GPR142: variants seen among roughly 807,000 people sequenced by gnomAD.
GPR142 encodes G-protein coupled receptor 142 long form.
Under a neutral mutation model 10.6 loss-of-function variants are expected in GPR142, and 9 were observed. The ratio of observed to expected loss-of-function variants is 0.85; its 90% CI spans 0.51 to 1.48. The LOEUF is 1.48. Among genes scored for constraint, GPR142 ranks in the 40% most tolerant of loss-of-function variants. GPR142 has a pLI of 0.00. For missense variants in GPR142, 482 were observed against 506.0 expected, an observed-to-expected ratio of 0.95 and a Z score of 0.45; for synonymous variants, 202 against 221.2, an observed-to-expected ratio of 0.91 and a Z score of 0.77.
In GPR142 at chr17:74,371,859, C is replaced by A. The variant is rs115408173; in HGVS notation, c.384C>A (p.Leu128=). ...TGGTCATCGTGTTCGCGGGCTTCCT[C>A]CTGCAGGGAGCAGTGCTGGCCCGCC... The part of the protein sequence containing the change: ...IQVVIVFAGF[L]LQGAVLARQV... Residue 128 remains leucine (L), a synonymous_variant, in exon 4 of 4, where the codon CTC becomes CTA. Transcript: ENST00000582579. 3 of 1,613,542 alleles carry A rather than the reference C, an allele frequency of 1.9e-6. No homozygotes were observed. The Admixed American group carries it at 5.0e-5, about 27-fold the overall frequency.
Position 74,371,717 on chromosome 17 carries a change from G to A in GPR142, c.254-12G>A, listed in dbSNP as rs769003299. The stretch of plus-strand genomic sequence containing the variant: ...TGATGCCTCTCCCCTCCCTCACCTC[G>A]GCTGCCCTCAGTCAGCCTCCTGACC... On this transcript the variant is annotated splice_polypyrimidine_tract_variant and intron_variant, in intron 3 of 3. Transcript: ENST00000582579. 1.2e-5 allele frequency: 19 copies of A among 1,586,246 alleles called. No individual in the cohort carries two copies. The highest frequency in any genetic ancestry group is 3.4e-5 in the Admixed American group (2 of 59,548).
chr17:74,367,824 A>T, intron 1 of GPR142, 30 bp downstream of exon 1: 2 of 1,549,386 alleles, frequency 1.3e-6, no homozygotes, highest in Non-Finnish European at 1.7e-6. Flanking sequence ...TGCATGGGGC[A>T]TCATTGTAGC....
rs764600686 is a variant in GPR142 at position 74,367,533 on chromosome 17, C to A, written c.-335C>A. The A allele has an allele frequency of 1.9e-6, 3 of 1,614,108 alleles. No homozygotes were observed. Among genetic ancestry groups the A allele is most frequent in the Admixed American group, 1.7e-5 (1 of 60,018 alleles). On this transcript the variant is annotated 5_prime_UTR_variant, in exon 1 of 4. Coordinates refer to ENST00000582579, the MANE Select transcript of GPR142 (RefSeq NM_001331076.1). ...GAGTATTATGATGTTGCCCATGGAG[C>A]AAAAGATCCAGTGGGTCCCCACTTC...
At position 74,370,525 on chromosome 17, in the gene GPR142, C is replaced by T. The variant is rs1006339662; in HGVS notation, c.99C>T (p.Gly33=). ...SMGLEGRETA[G]QPRVTLLPTP... ...CTGCCCATCCGCACCTTCTAGCTGG[C>T]CAGCCACGAGTGACCCTGCTGCCCA... is the stretch of plus-strand genomic sequence containing the variant. The change falls in exon 3 of 4, where the codon GGC becomes GGT. Residue 33 remains glycine, a synonymous_variant. Transcript: ENST00000582579. 9 of 1,596,260 alleles carry T rather than the reference C, an allele frequency of 5.6e-6. No individual in the cohort carries two copies. The East Asian group carries it at 1.8e-4, about 32-fold the overall frequency.
intron 2 of GPR142, among the ~76,000 whole-genome samples, chr17:74,370,275 C>T (rs1567936769): frequency 6.6e-6 from 1 of 152,146 alleles, no homozygotes; most frequent in African/African-American, 2.4e-5. Flanking sequence ...GGCAGCAGGC[C>T]GTGCTGCCAG....
Position 74,369,354 on chromosome 17 carries a change from C to T in GPR142, c.-73-114C>T, listed in dbSNP as rs113095257. The T allele has an allele frequency of 1.2e-4, 110 of 953,442 alleles. No homozygotes were observed. In the African/African-American group the frequency reaches 1.5e-3, roughly 13 times the overall value. The allele number at this position is 953,442 out of a possible 1,614,324, so 59.1% of individuals were successfully genotyped here. A position where few individuals can be genotyped will look rare whatever the true frequency, so the allele number is the denominator to read the frequency against. On this transcript the variant is annotated intron_variant, in intron 1 of 3. Coordinates refer to ENST00000582579, the MANE Select transcript of GPR142 (RefSeq NM_001331076.1). ...AGCCCGACCCCTTCCCCTGCCTGTG[C>T]GCCTTAGAGCACCCTGGTTTGCTCC...
chr17:74,372,529 T>A lies in GPR142; in HGVS notation c.1054T>A (p.Ser352Thr). The A allele has an allele frequency of 6.2e-7, 1 of 1,613,028 alleles. No individual in the cohort carries two copies. The highest frequency in any genetic ancestry group is 8.5e-7 in the Non-Finnish European group (1 of 1,180,038). Residue 352 changes from serine to threonine, a missense_variant, in exon 4 of 4, where the codon TCA (serine) becomes ACA (threonine). Ser to Thr is a moderately conservative substitution (Grantham distance 58). Coordinates refer to ENST00000582579, the MANE Select transcript of GPR142 (RefSeq NM_001331076.1). ...TGCCTACCTGCCCTGCACTTTGGCA[T>A]CACAGCCAGAGGGCATGGCGGCGAA... The part of the protein sequence containing the change: ...HDAYLPCTLA[S>T]QPEGMAAKPV...
rs1567937012 is a variant in GPR142, at chr17:74,370,656, T to A, written c.230T>A (p.Val77Asp). 6.2e-7 allele frequency: 1 copy of A among 1,613,576 alleles called. No individual in the cohort carries two copies. The highest frequency in any genetic ancestry group is 2.2e-5 in the East Asian group (1 of 44,860). The change falls in exon 3 of 4, where the codon GTC becomes GAC. Residue 77 changes from valine (V) to aspartate (D), a missense_variant. Coordinates refer to ENST00000582579, the MANE Select transcript of GPR142 (RefSeq NM_001331076.1). ...GTCATCCCTGTCATCTACTACAGTGTCCTGCTGGGCTTGGGGCTGCCTGGT... is the reference window on the plus strand; with the variant it reads ...GTCATCCCTGTCATCTACTACAGTGACCTGCTGGGCTTGGGGCTGCCTGGT... Reference protein sequence around the residue: ...AGVIPVIYYSVLLGLGLPVSL... With the variant: ...AGVIPVIYYSDLLGLGLPVSL...
chr17:74,372,217 A>G lies in GPR142; in HGVS notation c.742A>G (p.Ile248Val). 3 of 1,614,008 alleles carry G rather than the reference A, an allele frequency of 1.9e-6. No homozygotes were observed. The highest frequency in any genetic ancestry group is 2.5e-6 in the Non-Finnish European group (3 of 1,179,866). ...CGVFLVTNSA[I>V]IHRLRRRGRS... ...CGTGTTCCTGGTCACCAACTCGGCC[A>G]TCATCCACCGGCTACGGAGGAGGGG... The change falls in exon 4 of 4, where the codon ATC (isoleucine) becomes GTC (valine). Residue 248 changes from isoleucine (I) to valine (V), a missense_variant. Transcript: ENST00000582579.
rs1186940163 is a variant in GPR142, at chr17:74,372,343, C to T, written c.868C>T (p.Leu290Phe). The T allele has an allele frequency of 6.2e-7, 1 of 1,614,062 alleles. No homozygotes were observed. The change falls in exon 4 of 4, where the codon CTC (leucine) becomes TTC (phenylalanine). Residue 290 changes from leucine (L) to phenylalanine (F), a missense_variant. Transcript: ENST00000582579. ...GTGGGCGCCCCGGGTCTTCGTCATG[C>T]TCTACCACATGTACGTGGCCCCTGT... ...LLWAPRVFVM[L>F]YHMYVAPVHR...
Position 74,372,134 on chromosome 17 carries a change from C to T in GPR142, c.659C>T (p.Thr220Ile). 6.2e-7 allele frequency: 1 copy of T among 1,614,208 alleles called. No homozygotes were observed. Among genetic ancestry groups the T allele is most frequent in the Middle Eastern group, 1.6e-4 (1 of 6,062 alleles). ...TGGAGAGACACCGACTCACCCAGAA[C>T]ACTGGACGAGGTCCTCAAGTGGGCT... is the stretch of plus-strand genomic sequence containing the variant. Reference protein sequence around the residue: ...DMWRDTDSPRTLDEVLKWAHC... With the variant: ...DMWRDTDSPRILDEVLKWAHC... The change falls in exon 4 of 4, where the codon ACA becomes ATA. Residue 220 changes from threonine to isoleucine, a missense_variant. Coordinates refer to ENST00000582579, the MANE Select transcript of GPR142 (RefSeq NM_001331076.1).
At position 74,372,429 on chromosome 17, in the gene GPR142, C is replaced by A. The variant is rs759374209; in HGVS notation, c.954C>A (p.His318Gln). The A allele has an allele frequency of 1.6e-5, 26 of 1,614,010 alleles. No homozygotes were observed. The highest frequency in any genetic ancestry group is 2.2e-5 in the Non-Finnish European group (26 of 1,179,978). ...LDVANMVAML[H>Q]TAANFGLYCF... ...TGGCCAATATGGTGGCCATGCTCCA[C>A]ACGGCAGCCAACTTCGGCCTCTACT... Residue 318 changes from histidine to glutamine, a missense_variant, in exon 4 of 4, where the codon CAC becomes CAA. By Grantham distance (24) the His-to-Gln change is conservative. Coordinates refer to ENST00000582579, the MANE Select transcript of GPR142 (RefSeq NM_001331076.1).
At chr17:74,371,205 G>A (rs1445336578) in intron 3 of GPR142, among the ~76,000 whole-genome samples, 3 of 133,954 alleles carry the variant, frequency 2.2e-5, no homozygotes, top group Non-Finnish European at 4.6e-5. Flanking sequence ...CACCCAGGCT[G>A]GAGTGCAGTG....
At chr17:74,370,405 C>A in intron 2 of GPR142, 116 bp from the exon 3 acceptor site, 1 of 1,084,276 alleles carries the variant, frequency 9.2e-7, no homozygotes, top group Non-Finnish European at 1.3e-6. Flanking sequence ...CTGGGTCTGA[C>A]TAGAGGGTCT....
intron 3 of GPR142, 99 bp from the exon 4 acceptor site, chr17:74,371,630 T>C (rs1173617288): frequency 8.0e-7 from 1 of 1,254,656 alleles, no homozygotes; most frequent in Admixed American, 2.1e-5. Context: ...GCGCAGCCTC[T>C]GCACATGCAG....
At chr17:74,370,757 G>A (rs2055018210) in intron 3 of GPR142, 78 bp downstream of exon 3, 1 of 1,398,260 alleles carries the variant, frequency 7.2e-7, no homozygotes. Flanking sequence ...CCAGTCCTCT[G>A]TGTTTGACCC....
Position 74,371,829 on chromosome 17 carries a change from C to G in GPR142, c.354C>G (p.Ile118Met). The G allele has an allele frequency of 1.2e-6, 2 of 1,613,768 alleles. No individual in the cohort carries two copies. Among genetic ancestry groups the G allele is most frequent in the Non-Finnish European group, 1.7e-6 (2 of 1,180,024 alleles). Residue 118 changes from isoleucine (I) to methionine (M), a missense_variant, in exon 4 of 4, where the codon ATC (isoleucine) becomes ATG (methionine). Physicochemically the swap from Ile to Met is conservative, Grantham distance 10 (BLOSUM62 1). Transcript: ENST00000582579. Reference protein sequence around the residue: ...LLALTASDIIIQVVIVFAGFL... With the variant: ...LLALTASDIIMQVVIVFAGFL... ...CGCTCACAGCCTCGGATATCATCATCCAGGTGGTCATCGTGTTCGCGGGCT... is the reference window on the plus strand; with the variant it reads ...CGCTCACAGCCTCGGATATCATCATGCAGGTGGTCATCGTGTTCGCGGGCT...
In GPR142 at chr17:74,369,476, T is replaced by TAGGATCCC. The variant is rs2055006676; in HGVS notation, c.-65_-64insAGGATCCC. 1.3e-6 allele frequency: 2 copies of TAGGATCCC among 1,556,880 alleles called. No homozygotes were observed. Among genetic ancestry groups the TAGGATCCC allele is most frequent in the Non-Finnish European group, 1.7e-6 (2 of 1,149,566 alleles). ...GCCCCCTGCACTAACAGGCTCAGTGTCTGCGTAAGGATCCTGGGGCAAACA... is the reference window on the plus strand; with the variant it reads ...GCCCCCTGCACTAACAGGCTCAGTGTAGGATCCCCTGCGTAAGGATCCTGGGGCAAACA... On this transcript the variant is annotated 5_prime_UTR_variant, in exon 2 of 4. The change creates a premature stop within an existing upstream ORF in the 5' untranslated region. Transcript: ENST00000582579.
Position 74,369,480 on chromosome 17 carries a change from CGT to C in GPR142, c.-60_-59del. 1 of 1,557,072 alleles carries C rather than the reference CGT, an allele frequency of 6.4e-7. No individual in the cohort carries two copies. The highest frequency in any genetic ancestry group is 8.7e-7 in the Non-Finnish European group (1 of 1,149,698). ...CCTGCACTAACAGGCTCAGTGTCTG[CGT>C]AAGGATCCTGGGGCAAACAACCACT... On this transcript the variant is annotated 5_prime_UTR_variant, in exon 2 of 4. It removes the in-frame stop codon of an upstream open reading frame in the 5' UTR. Transcript: ENST00000582579.
Sources: gnomAD v4.1 joint callset for allele counts (sites outside exome capture counted in the v4.1 genomes callset) on GRCh38, gnomAD v4.1.1 for gene constraint, MANE v1.5 for transcripts, NCBI Gene and HGNC (gene_info 2026-07-23, HGNC 2026-07-21) for gene names.